Variants in FBN2 observed in about 807,000 individuals in gnomAD.
The protein encoded by FBN2 is fibrillin 2, also known as fibrillin-2.
FBN2 carries 105 observed loss-of-function variants against 355.6 expected under a neutral mutation model. The ratio of observed to expected loss-of-function variants is 0.30; its 90% confidence interval spans 0.25 to 0.35. FBN2 has a LOEUF of 0.35. FBN2 is among the 10% of genes least tolerant of loss of function. The pLI is 1.00. For synonymous variants in FBN2, 1,350 were observed against 1,301.2 expected (o/e 1.04, Z -0.81); for missense variants, 3,280 against 3,758.7 (o/e 0.87, Z 3.33).
intron 6 of FBN2, among the ~76,000 whole-genome samples, chr5:128,460,318 AAAG>A (rs528383416): frequency 2.0e-5 from 3 of 152,162 alleles, no homozygotes; most frequent in South Asian, 4.1e-4. Context: ...AAGGCCTCTT[AAAG>A]AAGAACTACA....
rs1188867955 is a variant in FBN2 at position 128,537,524 on chromosome 5, G to A, written c.80C>T (p.Ala27Val). 2 of 1,578,840 alleles carry A rather than the reference G, an allele frequency of 1.3e-6. No individual in the cohort carries two copies. The highest frequency in any genetic ancestry group is 2.3e-5 in the East Asian group (1 of 42,756). Residue 27 changes from alanine to valine, a missense_variant, in exon 1 of 65, where the codon GCC becomes GTC. Ala to Val is a moderately conservative substitution (Grantham distance 64). Coordinates refer to ENST00000262464, the MANE Select transcript of FBN2 (RefSeq NM_001999.4). ...GCVVLWAQGT[A>V]GQPQPPPPKP... ...GGGCGGAGGAGGCTGAGGCTGGCCG[G>A]CCGTGCCCTGCGCCCAGAGCACCAC...
chr5:128,502,131 C>A (rs566759672), intron 5 of FBN2, among the ~76,000 whole-genome samples: 2 of 151,220 alleles, frequency 1.3e-5, no homozygotes, highest in South Asian at 4.2e-4. Flanking sequence ...ATAGCACACA[C>A]AATGCCAGAA....
At chr5:128,523,465 A>G (rs996461502) in intron 4 of FBN2, among the ~76,000 whole-genome samples, 1 of 152,140 alleles carries the variant, frequency 6.6e-6, no homozygotes, top group African/African-American at 2.4e-5. Flanking sequence ...TAGCTACAAC[A>G]ACTTCCTAAT....
intron 5 of FBN2, among the ~76,000 whole-genome samples, chr5:128,502,817 C>T (rs1015633785): frequency 1.3e-5 from 2 of 152,090 alleles, no homozygotes; most frequent in African/African-American, 4.8e-5. Context: ...AGAAGAAAAG[C>T]TTTCAAGGAA....
Position 128,289,953 on chromosome 5 carries a change from A to G in FBN2, c.6446-6T>C, listed in dbSNP as rs1212941437. ...ACACAAATCCTGAAATGCAACTACA[A>G]AGAAAAATACAAATTCTCCATTATT... is the stretch of plus-strand genomic sequence containing the variant. On this transcript the variant is annotated splice_polypyrimidine_tract_variant and splice_region_variant and intron_variant, in intron 50 of 64. Coordinates refer to ENST00000262464, the MANE Select transcript of FBN2 (RefSeq NM_001999.4). 6.4e-7 allele frequency: 1 copy of G among 1,573,172 alleles called. No individual in the cohort carries two copies. Among genetic ancestry groups the G allele is most frequent in the South Asian group, 1.1e-5 (1 of 90,126 alleles).
chr5:128,452,444 A>C (rs918356472), intron 6 of FBN2, among the ~76,000 whole-genome samples: 1 of 152,182 alleles, frequency 6.6e-6, no homozygotes. Context: ...CTAGTTTATA[A>C]CCTCATTTAT....
At chr5:128,420,195 C>G (rs1375462790) in intron 7 of FBN2, among the ~76,000 whole-genome samples, 1 of 152,052 alleles carries the variant, frequency 6.6e-6, no homozygotes, top group Non-Finnish European at 1.5e-5. Context: ...ATTCTGAAAG[C>G]CTTGTCCTCC....
chr5:128,291,744 T>G, intron 48 of FBN2, 90 bp from the exon 49 acceptor site: 1 of 1,170,708 alleles, frequency 8.5e-7, no homozygotes, highest in Non-Finnish European at 1.3e-6. Flanking sequence ...CAGCTGATAT[T>G]TCAGACAAGA....
intron 5 of FBN2, among the ~76,000 whole-genome samples, chr5:128,502,517 A>C (rs576692761): frequency 6.6e-6 from 1 of 152,292 alleles, no homozygotes; most frequent in East Asian, 1.9e-4. Flanking sequence ...TCAACATTAT[A>C]CACAATAAGA....
intron 62 of FBN2, among the ~76,000 whole-genome samples, chr5:128,271,410 T>C (rs936442315): frequency 1.3e-5 from 2 of 152,302 alleles, no homozygotes; most frequent in Admixed American, 1.3e-4. Flanking sequence ...CAATCACTCC[T>C]TAAAAGGAGA....
chr5:128,537,555 C>T lies in FBN2; in HGVS notation c.49G>A (p.Gly17Ser), dbSNP rs1085307788. ...CCCTGCGCCCAGAGCACCACACAGC[C>T]CAGCCACAGGAAGTAGAGCTGGAGA... ...LCLQLYFLWL[G>S]CVVLWAQGTA... is the part of the protein sequence containing the mutation. Residue 17 changes from glycine to serine, a missense_variant, in exon 1 of 65, where the codon GGC (glycine) becomes AGC (serine). This residue lies in a region of FBN2 where 203 missense variants were observed against 142.2 expected (regional missense o/e 1.43). Coordinates refer to ENST00000262464, the MANE Select transcript of FBN2 (RefSeq NM_001999.4). 9.4e-6 allele frequency: 15 copies of T among 1,602,186 alleles called. No individual in the cohort carries two copies. The highest frequency in any genetic ancestry group is 1.3e-5 in the African/African-American group (1 of 74,670).
In FBN2 at chr5:128,369,305, C is replaced by G; in HGVS notation, c.2125G>C (p.Gly709Arg). The part of the protein sequence containing the change: ...DTHMRSTCYG[G>R]IKKGVCVRPF... ...CGCACACACACTCCTTTCTTGATTCCTCCATAGCAGGTACTGCGCATGTGA... is the reference window on the plus strand; with the variant it reads ...CGCACACACACTCCTTTCTTGATTCGTCCATAGCAGGTACTGCGCATGTGA... Residue 709 changes from glycine (G) to arginine (R), a missense_variant, in exon 16 of 65, where the codon GGA becomes CGA. This residue lies in a region of FBN2 where 2,284 missense variants were observed against 2,749.5 expected (regional missense o/e 0.83). Transcript: ENST00000262464. 1 of 1,614,092 alleles carries G rather than the reference C, an allele frequency of 6.2e-7. No homozygotes were observed. The highest frequency in any genetic ancestry group is 1.6e-4 in the Middle Eastern group (1 of 6,062).
intron 5 of FBN2, among the ~76,000 whole-genome samples, chr5:128,489,343 A>T (rs1333339826): frequency 1.3e-5 from 2 of 152,212 alleles, no homozygotes; most frequent in Non-Finnish European, 2.9e-5. Context: ...CTGACAGCCC[A>T]CAAAATACTT....
intron 52 of FBN2, 45 bp downstream of exon 52, chr5:128,289,082 G>T (rs755170235): frequency 6.2e-7 from 1 of 1,606,388 alleles, no homozygotes; most frequent in Non-Finnish European, 8.5e-7. Flanking sequence ...AATATGAGAA[G>T]TAAAATAGAA....
intron 5 of FBN2, among the ~76,000 whole-genome samples, chr5:128,507,833 A>G (rs1756006312): frequency 6.6e-6 from 1 of 152,040 alleles, no homozygotes; most frequent in Non-Finnish European, 1.5e-5. Flanking sequence ...CTATGCCCGT[A>G]TTGACTTCTT....
chr5:128,382,216 T>G (rs1752250586), intron 11 of FBN2, among the ~76,000 whole-genome samples: 1 of 152,076 alleles, frequency 6.6e-6, no homozygotes, highest in Non-Finnish European at 1.5e-5. Context: ...CCAACAGATG[T>G]TTTTCCTCAC....
chr5:128,303,778 A>T (rs1749785642), intron 45 of FBN2, among the ~76,000 whole-genome samples: 1 of 152,146 alleles, frequency 6.6e-6, no homozygotes, highest in African/African-American at 2.4e-5. Flanking sequence ...TCATGGAAGA[A>T]TTGTTATGAG....
chr5:128,279,382 A>G (rs535296152), intron 56 of FBN2, among the ~76,000 whole-genome samples: 1 of 152,290 alleles, frequency 6.6e-6, no homozygotes, highest in South Asian at 2.1e-4. Context: ...AAACAATCCT[A>G]GCCAAACTGT....
intron 21 of FBN2, among the ~76,000 whole-genome samples, 186 bp from the exon 22 acceptor site, chr5:128,350,191 A>T (rs1011362138): frequency 6.6e-6 from 1 of 152,226 alleles, no homozygotes; most frequent in Non-Finnish European, 1.5e-5. Context: ...TGGTAACTCC[A>T]TTGGTATTGA....
Sources: gnomAD v4.1 joint callset for allele counts (sites outside exome capture counted in the v4.1 genomes callset) on GRCh38, gnomAD v4.1.1 for gene constraint, gnomAD v4.1.1 regional missense constraint, MANE v1.5 for transcripts, NCBI Gene and HGNC (gene_info 2026-07-23, HGNC 2026-07-21) for gene names.